KLF12: variants seen among roughly 807,000 people sequenced by gnomAD.
The protein encoded by KLF12 is KLF transcription factor 12.
KLF12 carries 9 observed loss-of-function variants against 37.8 expected under a neutral mutation model. The observed-to-expected ratio is 0.24, with a 90% CI of 0.14 to 0.42. The LOEUF (loss-of-function observed/expected upper bound fraction) is 0.42, where lower values mean the gene tolerates loss of function less well. Ranked by LOEUF, KLF12 falls within the 10% of genes least tolerant of loss-of-function variation. The pLI, the probability that KLF12 is intolerant of heterozygous loss-of-function variation, is 1.00. For missense variants in KLF12, 411 were observed against 516.0 expected (o/e 0.80, Z 1.97); for synonymous variants, 208 against 202.1 (o/e 1.03, Z -0.25).
At position 73,835,566 on chromosome 13, in the gene KLF12, T is replaced by C. The variant is rs574779917; in HGVS notation, c.670+10261A>G. ...AGGTGTTAGAACTGAGGGGGTTACT[T>C]TGAAAGGGAGGTGCAGAAAGGGCAA... On this transcript the variant is annotated intron_variant, in intron 4 of 7. Transcript: ENST00000377669. 4.6e-5 allele frequency among the ~76,000 whole-genome samples: 7 copies of C among 151,906 alleles called. No individual in the cohort carries two copies. In the South Asian group the frequency reaches 1.5e-3, roughly 32 times the overall value.
At chr13:73,759,274 T>C (rs935875506) in intron 6 of KLF12, among the ~76,000 whole-genome samples, 2 of 152,188 alleles carry the variant, frequency 1.3e-5, no homozygotes, top group African/African-American at 2.4e-5. Context: ...CTTTGCATTC[T>C]TGGAACTGGA....
At chr13:74,145,274 T>C in the KLF12 span, among the ~76,000 whole-genome samples, 1 of 152,216 alleles carries the variant, frequency 6.6e-6, no homozygotes, top group African/African-American at 2.4e-5. Flanking sequence ...ATTTTTTCAA[T>C]GGGATTATTA....
the KLF12 span, among the ~76,000 whole-genome samples, chr13:74,190,554 C>T: frequency 2.0e-5 from 3 of 152,176 alleles, no homozygotes; most frequent in African/African-American, 7.2e-5. Context: ...TTTCTTTCAG[C>T]TATTAATTTT....
At chr13:74,018,521 A>G (rs1347718733) in intron 1 of KLF12, among the ~76,000 whole-genome samples, 1 of 152,218 alleles carries the variant, frequency 6.6e-6, no homozygotes, top group Non-Finnish European at 1.5e-5. Flanking sequence ...TCTACGGTGT[A>G]TATGTACTTC....
At chr13:74,098,403 G>A (rs1036377834) in intron 1 of KLF12, among the ~76,000 whole-genome samples, 18 of 152,192 alleles carry the variant, frequency 1.2e-4, no homozygotes, top group African/African-American at 4.1e-4. Flanking sequence ...ACCACATTCA[G>A]AAGCACTAAG....
At chr13:73,855,158 T>C (rs73537931) in intron 3 of KLF12, among the ~76,000 whole-genome samples, 201 of 152,336 alleles carry the variant, frequency 1.3e-3, no homozygotes, top group African/African-American at 4.6e-3. Flanking sequence ...TATGGGTATA[T>C]TATGTGACAC....
At chr13:73,820,824 T>G (rs1883486690) in intron 4 of KLF12, among the ~76,000 whole-genome samples, 1 of 152,252 alleles carries the variant, frequency 6.6e-6, no homozygotes, top group Non-Finnish European at 1.5e-5. Context: ...GTTGGACCTC[T>G]CTACAGTTTT....
At chr13:73,829,922 G>A (rs1302671822) in intron 4 of KLF12, among the ~76,000 whole-genome samples, 3 of 152,190 alleles carry the variant, frequency 2.0e-5, no homozygotes, top group African/African-American at 7.2e-5. Flanking sequence ...GGACAAAACT[G>A]TAATCCTCTG....
chr13:74,001,774 TGTG>T (rs1386317864), intron 1 of KLF12, among the ~76,000 whole-genome samples: 1 of 152,236 alleles, frequency 6.6e-6, no homozygotes, highest in Admixed American at 6.5e-5. Flanking sequence ...TTTATTAAAT[TGTG>T]GTGAAAACAT....
the KLF12 span, among the ~76,000 whole-genome samples, chr13:74,271,898 G>A: frequency 3.9e-5 from 6 of 152,256 alleles, no homozygotes; most frequent in East Asian, 1.2e-3. Flanking sequence ...GAAGGGTGAA[G>A]GGCAAGGGGC....
chr13:74,169,139 G>C, the KLF12 span, among the ~76,000 whole-genome samples: 1 of 152,184 alleles, frequency 6.6e-6, no homozygotes, highest in East Asian at 1.9e-4. Context: ...ATGGACGAAA[G>C]TATTATTAAG....
the KLF12 span, among the ~76,000 whole-genome samples, chr13:74,294,108 C>T: frequency 1.3e-5 from 2 of 152,190 alleles, no homozygotes; most frequent in African/African-American, 2.4e-5. Context: ...TGAGATTTGG[C>T]ATTGCCAAAA....
Position 74,133,892 on chromosome 13 carries a change from G to C in KLF12, c.-185C>G, listed in dbSNP as rs1222033827. Among the ~76,000 whole-genome samples, 1 of 152,024 alleles carries C rather than the reference G, an allele frequency of 6.6e-6. No individual in the cohort carries two copies. The highest frequency in any genetic ancestry group is 1.9e-4 in the East Asian group (1 of 5,156). On this transcript the variant is annotated 5_prime_UTR_variant, in exon 1 of 8. Transcript: ENST00000377669. ...TCACCCGCGCACACGCACACGCAGA[G>C]CCTCTCAGCGGCTCTCTGCAGTTCT...
At chr13:74,272,309 G>A in the KLF12 span, among the ~76,000 whole-genome samples, 1 of 152,172 alleles carries the variant, frequency 6.6e-6, no homozygotes, top group Non-Finnish European at 1.5e-5. Flanking sequence ...CTCCCCTGAT[G>A]TTCCTTTCTT....
intron 4 of KLF12, among the ~76,000 whole-genome samples, chr13:73,844,037 T>C (rs1594160337): frequency 6.6e-6 from 1 of 152,128 alleles, no homozygotes. Flanking sequence ...AAAATCACTT[T>C]TGTTTCTTTC....
At chr13:74,030,893 A>G (rs1225299600) in intron 1 of KLF12, among the ~76,000 whole-genome samples, 1 of 152,106 alleles carries the variant, frequency 6.6e-6, no homozygotes, top group East Asian at 1.9e-4. Context: ...TGGTTAAACT[A>G]AGACTCAAGC....
intron 5 of KLF12, among the ~76,000 whole-genome samples, chr13:73,783,223 CAAAG>C (rs1346479344): frequency 6.6e-6 from 1 of 151,680 alleles, no homozygotes; most frequent in Non-Finnish European, 1.5e-5. Flanking sequence ...ATAAGCTAAG[CAAAG>C]AAAGACAAAC....
chr13:73,994,428 T>A (rs1442440745), intron 2 of KLF12, among the ~76,000 whole-genome samples: 2 of 151,650 alleles, frequency 1.3e-5, no homozygotes, highest in African/African-American at 4.8e-5. Context: ...ACAAATAAGG[T>A]AATACCCACC....
intron 2 of KLF12, among the ~76,000 whole-genome samples, chr13:73,950,125 A>C (rs1890591044): frequency 2.0e-5 from 3 of 152,238 alleles, no homozygotes; most frequent in African/African-American, 7.2e-5. Flanking sequence ...GATAGCAATT[A>C]TCAGTCTGTT....
Sources: gnomAD v4.1 joint callset for allele counts (sites outside exome capture counted in the v4.1 genomes callset) on GRCh38, gnomAD v4.1.1 for gene constraint, MANE v1.5 for transcripts, NCBI Gene and HGNC (gene_info 2026-07-23, HGNC 2026-07-21) for gene names.